The following SEMA3A variants were observed in gnomAD, a reference collection of about 807,000 sequenced individuals.
SEMA3A encodes the protein semaphorin-3A.
A neutral mutation model predicts 97.9 loss-of-function variants in SEMA3A; 29 were observed. That is an observed-to-expected ratio of 0.30 (90% confidence interval 0.22 to 0.40). SEMA3A has a LOEUF of 0.40. Among genes scored for constraint, SEMA3A ranks in the 10% least tolerant of loss-of-function variants. SEMA3A has a pLI of 1.00. For synonymous variants in SEMA3A, 321 were observed against 323.7 expected (o/e 0.99, Z 0.09); for missense variants, 763 against 951.3 (o/e 0.80, Z 2.60).
intron 1 of SEMA3A, among the ~76,000 whole-genome samples, chr7:84,417,300 C>G (rs1804462989): frequency 1.3e-5 from 2 of 152,104 alleles, no homozygotes; most frequent in Admixed American, 1.3e-4. Context: ...GAACTGTTAA[C>G]TTGATAAAAA....
chr7:84,198,449 A>T (rs1422466850), upstream of SEMA3A, among the ~76,000 whole-genome samples: 1 of 151,328 alleles, frequency 6.6e-6, no homozygotes, highest in Non-Finnish European at 1.5e-5. Context: ...TGATCCACCC[A>T]CCTCAGCCTC....
intron 12 of SEMA3A, among the ~76,000 whole-genome samples, chr7:84,000,672 C>T (rs910505673): frequency 2.0e-5 from 3 of 152,054 alleles, no homozygotes; most frequent in Non-Finnish European, 2.9e-5. Flanking sequence ...GTAGCTATGA[C>T]TGTAGAGTCT....
At chr7:84,140,856 TG>T (rs916854767) in intron 1 of SEMA3A, among the ~76,000 whole-genome samples, 2 of 152,138 alleles carry the variant, frequency 1.3e-5, no homozygotes, top group African/African-American at 4.8e-5. Context: ...TTGCTATCAT[TG>T]TCATTTCATT....
At chr7:84,426,317 T>TAGATAGAC (rs1341699349) in intron 1 of SEMA3A, among the ~76,000 whole-genome samples, 13 of 148,616 alleles carry the variant, frequency 8.7e-5, no homozygotes, top group Non-Finnish European at 1.8e-4. Flanking sequence ...GATAGATAGA[T>TAGATAGAC]AGACAGACAA....
At chr7:84,090,937 C>T (rs1794546900) in intron 4 of SEMA3A, among the ~76,000 whole-genome samples, 1 of 151,012 alleles carries the variant, frequency 6.6e-6, no homozygotes, top group South Asian at 2.1e-4. Context: ...CGTGGTGGCT[C>T]ATGCTTGTAA....
At chr7:84,327,725 T>G (rs1801804681) in intron 2 of SEMA3A, among the ~76,000 whole-genome samples, 1 of 151,996 alleles carries the variant, frequency 6.6e-6, no homozygotes, top group African/African-American at 2.4e-5. Flanking sequence ...TTTTATAACT[T>G]TCACCACTGC....
intron 6 of SEMA3A, among the ~76,000 whole-genome samples, chr7:84,016,168 A>T (rs1791089906): frequency 6.6e-6 from 1 of 152,142 alleles, no homozygotes; most frequent in African/African-American, 2.4e-5. Flanking sequence ...TACTGTCACA[A>T]ACTAAAGAAT....
chr7:84,480,084 T>C (rs1806403277), intron 1 of SEMA3A, among the ~76,000 whole-genome samples: 3 of 152,220 alleles, frequency 2.0e-5, no homozygotes, highest in Admixed American at 6.5e-5. Context: ...ATAAAGAAGT[T>C]TACTAAAGCA....
chr7:84,008,396 A>C (rs1790751128), intron 9 of SEMA3A, among the ~76,000 whole-genome samples: 1 of 151,096 alleles, frequency 6.6e-6, no homozygotes, highest in African/African-American at 2.4e-5. Context: ...GAGGCTGAGG[A>C]AGGAGAATGG....
At chr7:84,256,182 A>T (rs2115636676) in intron 3 of SEMA3A, among the ~76,000 whole-genome samples, 1 of 152,180 alleles carries the variant, frequency 6.6e-6, no homozygotes, top group East Asian at 1.9e-4. Flanking sequence ...ATGCTACAGT[A>T]GGTGGAAAAG....
chr7:84,091,334 G>A (rs113165745), intron 4 of SEMA3A, among the ~76,000 whole-genome samples: 1,037 of 62,772 alleles, frequency 0.017, 14 homozygotes, highest in African/African-American at 0.028. Flanking sequence ...GAGAGAGAGA[G>A]AAAGAGGAGG....
intron 3 of SEMA3A, among the ~76,000 whole-genome samples, chr7:84,226,515 T>C (rs1462366573): frequency 6.6e-6 from 1 of 152,072 alleles, no homozygotes; most frequent in Non-Finnish European, 1.5e-5. Context: ...ACTTTTTCAA[T>C]GTAGTTTGTT....
At chr7:84,036,386 T>C (rs1054058408) in intron 6 of SEMA3A, among the ~76,000 whole-genome samples, 2 of 152,124 alleles carry the variant, frequency 1.3e-5, no homozygotes, top group Non-Finnish European at 2.9e-5. Flanking sequence ...TGGATGCTAT[T>C]TGCATTTAAA....
chr7:84,353,737 T>A (rs1245376102), intron 2 of SEMA3A, among the ~76,000 whole-genome samples: 1 of 151,718 alleles, frequency 6.6e-6, no homozygotes, highest in African/African-American at 2.4e-5. Context: ...AATTTTCCTT[T>A]TATTCCATAG....
At chr7:84,086,381 G>A (rs1310380648) in intron 4 of SEMA3A, among the ~76,000 whole-genome samples, 2 of 148,868 alleles carry the variant, frequency 1.3e-5, no homozygotes, top group Admixed American at 6.8e-5. Flanking sequence ...GTTCCTATGC[G>A]ATGATAACAT....
chr7:84,097,101 T>G (rs1421578115), intron 4 of SEMA3A, among the ~76,000 whole-genome samples: 1 of 152,056 alleles, frequency 6.6e-6, no homozygotes, highest in Non-Finnish European at 1.5e-5. Context: ...ACGCCAAGCA[T>G]CCATCTGTTC....
At chr7:83,980,551 G>T (rs997672418) in intron 14 of SEMA3A, among the ~76,000 whole-genome samples, 8 of 142,542 alleles carry the variant, frequency 5.6e-5, no homozygotes, top group African/African-American at 1.8e-4. Context: ...GTTGCAGTGA[G>T]CCGAGATTGT....
chr7:84,187,305 T>C (rs1241894979), intron 1 of SEMA3A, among the ~76,000 whole-genome samples: 6 of 152,196 alleles, frequency 3.9e-5, no homozygotes, highest in Non-Finnish European at 8.8e-5. Flanking sequence ...TTCACTTATC[T>C]TTAGCTACTA....
intron 1 of SEMA3A, among the ~76,000 whole-genome samples, chr7:84,438,213 A>T (rs951513956): frequency 1.3e-5 from 2 of 152,132 alleles, no homozygotes; most frequent in Admixed American, 1.3e-4. Context: ...GACCAGAATG[A>T]CTTGGATACA....
Sources: gnomAD v4.1 joint callset for allele counts (sites outside exome capture counted in the v4.1 genomes callset) on GRCh38, gnomAD v4.1.1 for gene constraint, MANE v1.5 for transcripts, NCBI Gene and HGNC (gene_info 2026-07-23, HGNC 2026-07-21) for gene names.